Variants in DCDC1 observed in about 807,000 individuals in gnomAD.
DCDC1 encodes the protein doublecortin domain containing 1, also known as doublecortin domain-containing protein 1.
A neutral mutation model predicts 178.3 loss-of-function variants in DCDC1; 200 were observed. The ratio of observed to expected loss-of-function variants is 1.12; its 90% confidence interval spans 1.00 to 1.26. The LOEUF (loss-of-function observed/expected upper bound fraction) is 1.26. Ranked by LOEUF, DCDC1 falls within the 50% of genes most tolerant of loss-of-function variation. The pLI, the probability that DCDC1 is intolerant of heterozygous loss-of-function variation, is 0.00. For synonymous variants in DCDC1, 690 were observed against 604.8 expected (o/e 1.14, Z -2.07); for missense variants, 1,983 against 1,749.2 (o/e 1.13, Z -2.38).
At chr11:31,140,574 A>T (rs1315049086) in intron 9 of DCDC1, among the ~76,000 whole-genome samples, 1 of 152,214 alleles carries the variant, frequency 6.6e-6, no homozygotes, top group Non-Finnish European at 1.5e-5. Context: ...TTCATTCAAT[A>T]CTAATGGCAA....
At chr11:31,281,161 A>G (rs1194031370) in intron 7 of DCDC1, among the ~76,000 whole-genome samples, 1 of 152,064 alleles carries the variant, frequency 6.6e-6, no homozygotes, top group African/African-American at 2.4e-5. Context: ...AGGTTCTTTA[A>G]GGTATTTGAT....
rs142361719 is a variant in DCDC1, at chr11:31,355,972, G to A, written c.-125+13725C>T. On this transcript the variant is annotated intron_variant, in intron 1 of 38. Coordinates refer to ENST00000684477, the MANE Select transcript of DCDC1 (RefSeq NM_001387274.1). ...AGTGCCCCAAGGTGTTATTTGTACC[G>A]GTATATCCAAAAGGAAATGGGAATG... Among the ~76,000 whole-genome samples, 465 of 152,138 alleles carry A rather than the reference G, an allele frequency of 3.1e-3. 2 individuals are homozygous for A. Among genetic ancestry groups the A allele is most frequent in the African/African-American group, 0.01 (428 of 41,492 alleles).
At chr11:31,073,284 C>T (rs187017973) in intron 18 of DCDC1, among the ~76,000 whole-genome samples, 48 of 151,734 alleles carry the variant, frequency 3.2e-4, no homozygotes, top group African/African-American at 1.1e-3. Flanking sequence ...TGATAATCAG[C>T]GATAATATTG....
intron 7 of DCDC1, among the ~76,000 whole-genome samples, chr11:31,286,053 C>T (rs901321376): frequency 1.7e-4 from 26 of 152,162 alleles, no homozygotes; most frequent in South Asian, 4.1e-4. Flanking sequence ...ATGAAGATTT[C>T]CATCATATAG....
intron 17 of DCDC1, among the ~76,000 whole-genome samples, chr11:31,090,077 T>C (rs1332200627): frequency 6.6e-6 from 1 of 152,170 alleles, no homozygotes; most frequent in Non-Finnish European, 1.5e-5. Context: ...TTCAGAAATC[T>C]TATTACCCAG....
At chr11:31,207,413 G>A (rs921654522) in intron 9 of DCDC1, among the ~76,000 whole-genome samples, 4 of 152,114 alleles carry the variant, frequency 2.6e-5, no homozygotes, top group Admixed American at 1.3e-4. Flanking sequence ...CTTCCCAACT[G>A]GTATTTGTGC....
intron 2 of DCDC1, among the ~76,000 whole-genome samples, chr11:31,329,746 T>C (rs185897073): frequency 0.01 from 1,574 of 152,344 alleles, 18 homozygotes; most frequent in Non-Finnish European, 0.014. Context: ...TTTTTATGGC[T>C]GCATAGTATT....
At chr11:31,351,924 A>G (rs1951096032) in intron 1 of DCDC1, among the ~76,000 whole-genome samples, 1 of 152,164 alleles carries the variant, frequency 6.6e-6, no homozygotes, top group Non-Finnish European at 1.5e-5. Context: ...TTTTACACTT[A>G]CAGTTTAAAG....
intron 21 of DCDC1, among the ~76,000 whole-genome samples, chr11:30,935,085 C>T (rs190263621): frequency 1.1e-4 from 16 of 152,154 alleles, no homozygotes; most frequent in Non-Finnish European, 5.9e-5. Flanking sequence ...TTTAGAACAG[C>T]TGGATTGTCA....
In DCDC1 at chr11:31,102,174, C is replaced by T. The variant is rs1465810072; in HGVS notation, c.1983+3G>A. ...TTTTAAAGTACAATAACTAAAATCC[C>T]ACCTTGTTCTGTAGAAAATGGTTCT... On this transcript the variant is annotated splice_donor_region_variant and intron_variant, in intron 15 of 38. Transcript: ENST00000684477. 1.4e-6 allele frequency: 1 copy of T among 690,136 alleles called. No individual in the cohort carries two copies. The highest frequency in any genetic ancestry group is 2.7e-6 in the Non-Finnish European group (1 of 372,206). The allele number at this position is 690,136 out of a possible 1,614,324, so 42.8% of individuals were successfully genotyped here.
chr11:31,270,509 A>G (rs1945476875), intron 7 of DCDC1, among the ~76,000 whole-genome samples: 1 of 152,148 alleles, frequency 6.6e-6, no homozygotes, highest in African/African-American at 2.4e-5. Context: ...TCCTTTATTC[A>G]TTTCTAAAAC....
chr11:31,363,916 C>G (rs557143433), intron 1 of DCDC1, among the ~76,000 whole-genome samples: 1 of 152,276 alleles, frequency 6.6e-6, no homozygotes, highest in Admixed American at 6.5e-5. Context: ...GTGTATTCTA[C>G]TGAATACATA....
At chr11:31,263,727 T>C (rs1008950349) in intron 8 of DCDC1, among the ~76,000 whole-genome samples, 2 of 152,166 alleles carry the variant, frequency 1.3e-5, no homozygotes, top group Non-Finnish European at 2.9e-5. Flanking sequence ...TGCTTTTATA[T>C]AGTACAAGTG....
At chr11:30,869,938 A>G (rs2133913936) in intron 38 of DCDC1, among the ~76,000 whole-genome samples, 1 of 152,298 alleles carries the variant, frequency 6.6e-6, no homozygotes, top group African/African-American at 2.4e-5. Flanking sequence ...TTCTGGCTAC[A>G]ACTTTGACAA....
At chr11:31,114,204 A>G (rs1959492935) in intron 11 of DCDC1, among the ~76,000 whole-genome samples, 1 of 152,172 alleles carries the variant, frequency 6.6e-6, no homozygotes, top group African/African-American at 2.4e-5. Context: ...CCATACCTCA[A>G]AAATGTGTGC....
chr11:31,090,203 C>T (rs1289083949), intron 17 of DCDC1, among the ~76,000 whole-genome samples: 1 of 152,194 alleles, frequency 6.6e-6, no homozygotes, highest in Non-Finnish European at 1.5e-5. Context: ...ACCAAGCTAA[C>T]ATCTTCCTTT....
chr11:31,253,683 C>T (rs532244060), intron 8 of DCDC1, among the ~76,000 whole-genome samples: 1 of 152,286 alleles, frequency 6.6e-6, no homozygotes, highest in South Asian at 2.1e-4. Context: ...CCACCTAAGC[C>T]ATGCCTGAAT....
chr11:31,022,627 T>C (rs566082569), intron 20 of DCDC1, among the ~76,000 whole-genome samples: 9 of 148,190 alleles, frequency 6.1e-5, no homozygotes, highest in African/African-American at 1.5e-4. Context: ...TTCTTGTTTA[T>C]CTAGTGTCTT....
intron 37 of DCDC1, among the ~76,000 whole-genome samples, chr11:30,878,945 C>T (rs189632084): frequency 2.4e-3 from 363 of 152,132 alleles, no homozygotes; most frequent in Non-Finnish European, 3.0e-3. Context: ...ATTACAAAGC[C>T]TGAATTGGAA....
Sources: allele counts gnomAD v4.1 joint callset (sites outside exome capture counted in the v4.1 genomes callset), GRCh38; gene constraint gnomAD v4.1.1; transcripts MANE v1.5; gene names NCBI Gene and HGNC (gene_info 2026-07-23, HGNC 2026-07-21).